Variants in DMBT1 observed in about 807,000 individuals in gnomAD.
DMBT1 encodes deleted in malignant brain tumors 1.
In DMBT1, 198 loss-of-function variants were observed where a neutral mutation model predicts 252.9. That is an observed-to-expected ratio of 0.78 (90% CI 0.70 to 0.88). DMBT1 has a LOEUF of 0.88. Ranked by LOEUF, DMBT1 falls within the 40% of genes least tolerant of loss-of-function variation. The pLI, the probability that DMBT1 is intolerant of heterozygous loss-of-function variation, is 0.00. For synonymous variants in DMBT1, 990 were observed against 942.7 expected (o/e 1.05, Z -0.92); for missense variants, 2,432 against 2,404.7 (o/e 1.01, Z -0.24).
intron 51 of DMBT1, 137 bp downstream of exon 51, chr10:122,633,027 C>G: frequency 6.6e-7 from 1 of 1,515,642 alleles, no homozygotes; most frequent in Non-Finnish European, 9.0e-7. Context: ...CCTGCCAGCC[C>G]TCAGTGGACG....
intron 46 of DMBT1, among the ~76,000 whole-genome samples, chr10:122,628,733 C>A (rs2098136438): frequency 6.6e-6 from 1 of 152,154 alleles, no homozygotes; most frequent in African/African-American, 2.4e-5. Context: ...AAAAAACTAC[C>A]ATATTGTACA....
chr10:122,565,997 G>A lies in DMBT1; in HGVS notation c.91+1G>A. 6.2e-7 allele frequency: 1 copy of A among 1,613,940 alleles called. No individual in the cohort carries two copies. Among genetic ancestry groups the A allele is most frequent in the Non-Finnish European group, 8.5e-7 (1 of 1,179,850 alleles). ...TGGATCCCAAGGACTACAGACTACG[G>A]TAAGACCTTTTCTTCACTCCTCTTC... On this transcript the variant is annotated splice_donor_variant, in intron 2 of 55. Transcript: ENST00000338354. LOFTEE classifies it high-confidence loss of function.
intron 18 of DMBT1, 98 bp from the exon 19 acceptor site, chr10:122,591,381 A>C: frequency 1.9e-5 from 25 of 1,291,212 alleles, no homozygotes; most frequent in East Asian, 2.5e-5. Flanking sequence ...TAGAAATGGA[A>C]GAATATTCAT....
chr10:122,635,785 A>G (rs1409991656), intron 52 of DMBT1, among the ~76,000 whole-genome samples: 2 of 152,062 alleles, frequency 1.3e-5, no homozygotes, highest in African/African-American at 4.8e-5. Flanking sequence ...CGAACTTATG[A>G]CCTCAGATGA....
At chr10:122,580,044 A>G (rs761282443) in intron 10 of DMBT1, 143 bp downstream of exon 10, 11 of 1,465,728 alleles carry the variant, frequency 7.5e-6, no homozygotes, top group East Asian at 7.3e-5. Context: ...CTAAGAATCC[A>G]TATGTACTCA....
intron 52 of DMBT1, among the ~76,000 whole-genome samples, chr10:122,634,130 C>T (rs2098189969): frequency 6.6e-6 from 1 of 152,074 alleles, no homozygotes. Flanking sequence ...AAAACGAGAC[C>T]CTGTCTCAGG....
chr10:122,599,846 C>A (rs568725546), intron 26 of DMBT1, among the ~76,000 whole-genome samples: 17 of 152,208 alleles, frequency 1.1e-4, no homozygotes, highest in South Asian at 8.3e-4. Context: ...TGGGCAGACA[C>A]AAGTTGATCA....
Position 122,584,692 on chromosome 10 carries a change from C to T in DMBT1, c.1420+341C>T, listed in dbSNP as rs145348935. ...CTTCCTGAGAATTGAGAGTGATTGC[C>T]AAAGTCTCCTCGGAAGCCAATGTCA... On this transcript the variant is annotated intron_variant, in intron 14 of 55. Transcript: ENST00000338354. Among the ~76,000 whole-genome samples, 53 of 149,104 alleles carry T rather than the reference C, an allele frequency of 3.6e-4. 5 individuals carry two copies. The East Asian group carries it at 9.6e-3, about 27-fold the overall frequency.
Position 122,636,159 on chromosome 10 carries a change from C to T in DMBT1, c.6717C>T (p.Phe2239=). The change falls in exon 53 of 56, where the codon TTC becomes TTT. Residue 2239 remains phenylalanine (F), a synonymous_variant. Transcript: ENST00000338354. ...ACCACAGCATCACAAGGAGAGGGTT[C>T]CGGGCTGAGTACTACTCCAGTCCCT... is the stretch of plus-strand genomic sequence containing the variant. ...ISDHSITRRG[F]RAEYYSSPSN... is the part of the protein sequence containing the mutation. 1 of 1,613,936 alleles carries T rather than the reference C, an allele frequency of 6.2e-7. No homozygotes were observed. The highest frequency in any genetic ancestry group is 1.3e-5 in the African/African-American group (1 of 75,032).
intron 1 of DMBT1, among the ~76,000 whole-genome samples, chr10:122,561,585 T>TC (rs1565498408): frequency 7.3e-5 from 11 of 151,508 alleles, no homozygotes; most frequent in African/African-American, 2.2e-4. Flanking sequence ...TCTCTCTCTC[T>TC]TTCTCTCTTA....
Position 122,618,145 on chromosome 10 carries a change from G to A in DMBT1, c.5020G>A (p.Val1674Met), listed in dbSNP as rs189221852. ...DDYWDTNDANVVCRQLGCGWA... is the reference protein window; with the variant it reads ...DDYWDTNDANMVCRQLGCGWA... ...CTACTGGGACACCAATGATGCCAAC[G>A]TGGTCTGCAGGCAGCTGGGCTGTGG... Residue 1674 changes from valine to methionine, a missense_variant, in exon 41 of 56, where the codon GTG (valine) becomes ATG (methionine). Coordinates refer to ENST00000338354, the MANE Select transcript of DMBT1 (RefSeq NM_001377530.1). The A allele has an allele frequency of 4.0e-3, 6,420 of 1,613,976 alleles. 16 individuals are homozygous for A. The highest frequency in any genetic ancestry group is 4.5e-3 in the Non-Finnish European group (5,367 of 1,179,886).
At chr10:122,621,429 C>T in intron 44 of DMBT1, 49 bp downstream of exon 44, 1 of 1,611,758 alleles carries the variant, frequency 6.2e-7, no homozygotes, top group Non-Finnish European at 8.5e-7. Flanking sequence ...GAGTTTGCTC[C>T]AGAAGAAACT....
intron 16 of DMBT1, among the ~76,000 whole-genome samples, chr10:122,588,448 G>C (rs540944222): frequency 6.7e-5 from 10 of 148,780 alleles, no homozygotes; most frequent in African/African-American, 2.2e-4. Context: ...AAGCCCTGGA[G>C]GGCTCCCTAC....
rs760986699 is a variant in DMBT1, at chr10:122,621,069, G to C, written c.5297G>C (p.Ser1766Thr). The change falls in exon 44 of 56, where the codon AGT becomes ACT. Residue 1766 changes from serine to threonine, a missense_variant. Transcript: ENST00000338354. ...LPALTVGSESSLALRLVNGGD... is the reference protein window; with the variant it reads ...LPALTVGSESTLALRLVNGGD... ...TGTTCCCCTGTAGGATCTGAATCCA[G>C]TTTGGCTCTGAGGCTGGTGAATGGA... 2.5e-6 allele frequency: 4 copies of C among 1,613,284 alleles called. No homozygotes were observed. The South Asian group carries it at 3.3e-5, about 13-fold the overall frequency.
intron 17 of DMBT1, 26 bp downstream of exon 17, chr10:122,589,293 C>T (rs1234861764): frequency 6.3e-7 from 1 of 1,588,078 alleles, no homozygotes; most frequent in African/African-American, 1.3e-5. Context: ...TTTTGGTTTC[C>T]TCTCTTGGGG....
intron 46 of DMBT1, 107 bp from the exon 47 acceptor site, chr10:122,629,733 T>C: frequency 7.4e-7 from 1 of 1,344,390 alleles, no homozygotes; most frequent in East Asian, 2.4e-5. Flanking sequence ...TTAAGTCTTG[T>C]TATAAAGTGC....
intron 3 of DMBT1, among the ~76,000 whole-genome samples, 157 bp downstream of exon 3, chr10:122,570,366 C>T (rs956279282): frequency 6.6e-6 from 1 of 152,152 alleles, no homozygotes; most frequent in African/African-American, 2.4e-5. Flanking sequence ...TGGGGTGTGC[C>T]CTTGATAATC....
intron 25 of DMBT1, 87 bp from the exon 26 acceptor site, chr10:122,598,687 A>G (rs2097909238): frequency 6.3e-7 from 1 of 1,599,488 alleles, no homozygotes; most frequent in South Asian, 1.1e-5. Flanking sequence ...GACTTTAGCC[A>G]TTAGGACATG....
At chr10:122,642,674 G>C (rs1447271248) in intron 55 of DMBT1, among the ~76,000 whole-genome samples, 1 of 152,156 alleles carries the variant, frequency 6.6e-6, no homozygotes, top group Non-Finnish European at 1.5e-5. Context: ...TGTACTCAGA[G>C]TGCAGCCGAA....
Sources: allele counts gnomAD v4.1 joint callset (sites outside exome capture counted in the v4.1 genomes callset), GRCh38; gene constraint gnomAD v4.1.1; transcripts MANE v1.5; gene names NCBI Gene and HGNC (gene_info 2026-07-23, HGNC 2026-07-21).